Variants in PPP6R2 observed in about 807,000 individuals in gnomAD.
PPP6R2 encodes serine/threonine-protein phosphatase 6 regulatory subunit 2.
In PPP6R2, 62 loss-of-function variants were observed where a neutral mutation model predicts 100.2. The observed-to-expected ratio is 0.62, with a 90% CI of 0.50 to 0.76. PPP6R2 has a LOEUF of 0.76. Ranked by LOEUF, PPP6R2 falls within the 30% of genes least tolerant of loss-of-function variation. The pLI is 0.00. For missense variants in PPP6R2, 1,142 were observed against 1,276.3 expected (o/e 0.89, Z 1.60); for synonymous variants, 525 against 514.7 (o/e 1.02, Z -0.27).
Position 50,423,329 on chromosome 22 carries a change from G to C in PPP6R2, c.973-133G>C, listed in dbSNP as rs1603350881. The C allele has an allele frequency of 1.9e-6, 2 of 1,069,740 alleles. No homozygotes were observed. Among genetic ancestry groups the C allele is most frequent in the East Asian group, 5.1e-5 (2 of 39,452 alleles). The allele number at this position is 1,069,740 out of a possible 1,614,324, so 66.3% of individuals were successfully genotyped here. A position where few individuals can be genotyped will look rare whatever the true frequency, so the allele number is the denominator to read the frequency against. ...TTTCTTCTGGCAGACGGCCCTCCCT[G>C]AGGAACCCCCACCACATACCTCGCT... On this transcript the variant is annotated intron_variant, in intron 9 of 23. Coordinates refer to ENST00000612753, the MANE Select transcript of PPP6R2 (RefSeq NM_001242898.2). The surrounding 1 kb of genome is among the most constrained non-coding windows in gnomAD (Gnocchi z 4.8).
intron 2 of PPP6R2, among the ~76,000 whole-genome samples, chr22:50,385,650 G>C (rs2054073875): frequency 6.7e-6 from 1 of 148,996 alleles, no homozygotes; most frequent in African/African-American, 2.5e-5. Flanking sequence ...TGAGTAGCTG[G>C]GATTATAGGC....
intron 1 of PPP6R2, among the ~76,000 whole-genome samples, chr22:50,361,113 C>T (rs1569289078): frequency 6.6e-6 from 1 of 152,198 alleles, no homozygotes; most frequent in Non-Finnish European, 1.5e-5. Context: ...GACCCTTTCT[C>T]AGCTCTTTGC....
At chr22:50,332,371 C>A in the PPP6R2 span, among the ~76,000 whole-genome samples, 1 of 151,852 alleles carries the variant, frequency 6.6e-6, no homozygotes, top group South Asian at 2.1e-4. Flanking sequence ...GCTGGGAGTA[C>A]AGGTGCCCAC....
intron 1 of PPP6R2, among the ~76,000 whole-genome samples, chr22:50,363,500 A>G (rs1229283961): frequency 1.3e-5 from 2 of 152,222 alleles, no homozygotes; most frequent in South Asian, 2.1e-4. Context: ...AGTGCTTCCA[A>G]TGCTCATGCA....
intron 1 of PPP6R2, among the ~76,000 whole-genome samples, chr22:50,359,787 C>T (rs1490486719): frequency 1.3e-5 from 2 of 151,966 alleles, no homozygotes; most frequent in East Asian, 3.9e-4. Context: ...TTGTGTGTGA[C>T]TTTCTTTTCT....
chr22:50,396,763 C>T (rs1419746652), intron 3 of PPP6R2, among the ~76,000 whole-genome samples: 1 of 152,064 alleles, frequency 6.6e-6, no homozygotes, highest in Non-Finnish European at 1.5e-5. Context: ...GTCAGTACTT[C>T]ATTTAGGGTG....
rs768380651 is a variant in PPP6R2, at chr22:50,422,333, G to A, written c.925G>A (p.Glu309Lys). The change falls in exon 9 of 24, where the codon GAG becomes AAG. Residue 309 changes from glutamate (E) to lysine (K), a missense_variant. By Grantham distance (56) the Glu-to-Lys change is moderately conservative. Transcript: ENST00000612753. The stretch of plus-strand genomic sequence containing the variant: ...CAGCAGCAGCGTACTACACGGCATC[G>A]AGCCTCGGCTGAAGGACTTCCACCA... ...AVSSSVLHGIEPRLKDFHQLL... is the reference protein window; with the variant it reads ...AVSSSVLHGIKPRLKDFHQLL... 13 of 1,614,098 alleles carry A rather than the reference G, an allele frequency of 8.1e-6. No individual in the cohort carries two copies. Among genetic ancestry groups the A allele is most frequent in the Middle Eastern group, 1.6e-4 (1 of 6,062 alleles).
At chr22:50,411,978 G>A (rs1268609949) in intron 4 of PPP6R2, among the ~76,000 whole-genome samples, 1 of 151,660 alleles carries the variant, frequency 6.6e-6, no homozygotes, top group Non-Finnish European at 1.5e-5. Flanking sequence ...CCAGGAGGCG[G>A]AGCTTGCAGT....
At chr22:50,418,709 AAG>A (rs375398996) in intron 6 of PPP6R2, among the ~76,000 whole-genome samples, 156 bp from the exon 7 acceptor site, 10 of 152,114 alleles carry the variant, frequency 6.6e-5, no homozygotes, top group African/African-American at 1.4e-4. Context: ...CTTAAAAAAA[AAG>A]AAAAAGTATT....
intron 1 of PPP6R2, among the ~76,000 whole-genome samples, chr22:50,369,645 C>A (rs2148476290): frequency 6.6e-6 from 1 of 152,152 alleles, no homozygotes; most frequent in Admixed American, 6.6e-5. Context: ...TCCTGAGTAT[C>A]TGGGATTAGA....
rs2061557189 is a variant in PPP6R2 at position 50,423,136 on chromosome 22, G to A, written c.973-326G>A. On this transcript the variant is annotated intron_variant, in intron 9 of 23. Coordinates refer to ENST00000612753, the MANE Select transcript of PPP6R2 (RefSeq NM_001242898.2). This position sits in a 1 kb window ranked among gnomAD's most constrained non-coding sequence, Gnocchi z 4.8. ...TCCTCAGTGAGGCATCGTGCCAAGG[G>A]CTCTGGCCTTAGACCGGTACTGCTG... is the stretch of plus-strand genomic sequence containing the variant. 6.6e-6 allele frequency among the ~76,000 whole-genome samples: 1 copy of A among 152,162 alleles called. No homozygotes were observed. Among genetic ancestry groups the A allele is most frequent in the Admixed American group, 6.5e-5 (1 of 15,276 alleles).
intron 1 of PPP6R2, among the ~76,000 whole-genome samples, chr22:50,369,678 T>C (rs1163445742): frequency 6.6e-6 from 1 of 152,108 alleles, no homozygotes; most frequent in Non-Finnish European, 1.5e-5. Flanking sequence ...GCTAATTTTT[T>C]GTGTTTTTAG....
Position 50,444,259 on chromosome 22 carries a change from C to T in PPP6R2, c.*12C>T, listed in dbSNP as rs917322228. Reference sequence around the variant, plus strand: ...ATGGCCCAGTGTGATGCTGCTGCCGCCCGGCCACGGCCCACCCTGGTCAGG... The same window carrying T: ...ATGGCCCAGTGTGATGCTGCTGCCGTCCGGCCACGGCCCACCCTGGTCAGG... On this transcript the variant is annotated 3_prime_UTR_variant, in exon 24 of 24. Transcript: ENST00000612753. 5 of 1,612,458 alleles carry T rather than the reference C, an allele frequency of 3.1e-6. No individual in the cohort carries two copies. In the South Asian group the frequency reaches 4.4e-5, roughly 14 times the overall value.
the PPP6R2 span, among the ~76,000 whole-genome samples, chr22:50,335,678 A>ATTTTTTTTTTTTTTTTTTTTTTT: frequency 3.6e-4 from 47 of 128,950 alleles, 1 homozygote; most frequent in Non-Finnish European, 5.1e-4. Flanking sequence ...CACCCAACTA[A>ATTTTTTTTTTTTTTTTTTTTTTT]TTTTTTTTTT....
intron 3 of PPP6R2, among the ~76,000 whole-genome samples, chr22:50,396,245 C>A (rs1037745396): frequency 1.4e-5 from 2 of 143,780 alleles, no homozygotes; most frequent in African/African-American, 5.1e-5. Flanking sequence ...ACCTGTAATC[C>A]CAACACTTTG....
rs768571917 is a variant in PPP6R2, at chr22:50,414,532, T to C, written c.415-20T>C. On this transcript the variant is annotated intron_variant, in intron 4 of 23. Coordinates refer to ENST00000612753, the MANE Select transcript of PPP6R2 (RefSeq NM_001242898.2). ...TGTCAGGGTCGGCCCCGCCTGCCTCTCAGGTGTGTGTGATTTCAGGTGATT... is the reference window on the plus strand; with the variant it reads ...TGTCAGGGTCGGCCCCGCCTGCCTCCCAGGTGTGTGTGATTTCAGGTGATT... The C allele has an allele frequency of 2.5e-6, 4 of 1,613,410 alleles. No individual in the cohort carries two copies. The East Asian group carries it at 8.9e-5, about 36-fold the overall frequency.
chr22:50,440,012 T>C lies in PPP6R2; in HGVS notation c.2337T>C (p.His779=), dbSNP rs141348790. ...CTCCGGTGGACACAGAATGCAGCCA[T>C]GCTGAGGGCAGCCGGAGCCAAGGCC... ...CSSPVDTECS[H]AEGSRSQGPE... The change falls in exon 21 of 24, where the codon CAT becomes CAC. Residue 779 remains histidine, a synonymous_variant. Coordinates refer to ENST00000612753, the MANE Select transcript of PPP6R2 (RefSeq NM_001242898.2). 2.5e-6 allele frequency: 4 copies of C among 1,613,466 alleles called. No individual in the cohort carries two copies. In the African/African-American group the frequency reaches 4.0e-5, roughly 16 times the overall value.
chr22:50,380,891 A>G (rs537321475), intron 2 of PPP6R2, among the ~76,000 whole-genome samples: 96 of 150,612 alleles, frequency 6.4e-4, no homozygotes, highest in African/African-American at 2.2e-3. Context: ...CGGGAGGCTG[A>G]GGCAGGAGAA....
At chr22:50,424,256 C>G (rs1309139461) in intron 10 of PPP6R2, among the ~76,000 whole-genome samples, 2 of 152,144 alleles carry the variant, frequency 1.3e-5, no homozygotes, top group African/African-American at 4.8e-5. Context: ...GGCTCTGGGG[C>G]TCTGCTGGAA....
Sources: gnomAD v4.1 joint callset for allele counts (sites outside exome capture counted in the v4.1 genomes callset) on GRCh38, gnomAD v4.1.1 for gene constraint, Gnocchi (gnomAD v3.1) non-coding constraint, MANE v1.5 for transcripts, NCBI Gene and HGNC (gene_info 2026-07-23, HGNC 2026-07-21) for gene names.